The following LHX4 variants were observed in gnomAD, a reference collection of about 807,000 sequenced individuals.
LHX4 encodes LIM homeobox 4.
A neutral mutation model predicts 39.2 loss-of-function variants in LHX4; 16 were observed. The ratio of observed to expected loss-of-function variants is 0.41; its 90% confidence interval spans 0.28 to 0.62. The LOEUF (loss-of-function observed/expected upper bound fraction) is 0.62. Among genes scored for constraint, LHX4 ranks in the 20% least tolerant of loss-of-function variants. The probability of loss-of-function intolerance (pLI) is 0.33; values close to 1 mark genes in which losing one functional copy is unlikely to be tolerated. For missense variants in LHX4, 439 were observed against 511.9 expected, an observed-to-expected ratio of 0.86 and a Z score of 1.37; for synonymous variants, 206 against 198.1, an observed-to-expected ratio of 1.04 and a Z score of -0.33.
At chr1:180,242,651 A>C (rs1208781365) in intron 1 of LHX4, among the ~76,000 whole-genome samples, 1 of 152,048 alleles carries the variant, frequency 6.6e-6, no homozygotes. Context: ...GGCCTTGCAG[A>C]TGGGTAGTGT....
intron 2 of LHX4, among the ~76,000 whole-genome samples, chr1:180,255,214 G>C (rs1647796184): frequency 6.6e-6 from 1 of 152,266 alleles, no homozygotes; most frequent in Non-Finnish European, 1.5e-5. Flanking sequence ...GAAAGAGGCA[G>C]CCTCAGTTCT....
At position 180,249,662 on chromosome 1, in the gene LHX4, C is replaced by T. The variant is rs78728196; in HGVS notation, c.248+1206C>T. 4.5e-3 allele frequency among the ~76,000 whole-genome samples: 691 copies of T among 152,294 alleles called. 7 individuals carry two copies. The highest frequency in any genetic ancestry group is 0.016 in the African/African-American group (666 of 41,552). ...AAATGTGAGTCCTGGATACAGAATA[C>T]GATTTCTCCCACATCTTCCCAAAGG... On this transcript the variant is annotated intron_variant, in intron 2 of 5. Transcript: ENST00000263726.
chr1:180,230,686 C>A lies in LHX4; in HGVS notation c.76+81C>A. On this transcript the variant is annotated intron_variant, in intron 1 of 5. Transcript: ENST00000263726. The surrounding 1 kb of genome is among the most constrained non-coding windows in gnomAD (Gnocchi z 5.8). ...AGCCGCTGCGGGGCGGGCCGGACGC[C>A]GCTCAGGGGCCGGGAGGGGCTGGCG... 7.3e-7 allele frequency: 1 copy of A among 1,367,352 alleles called. No homozygotes were observed. Among genetic ancestry groups the A allele is most frequent in the Non-Finnish European group, 1.0e-6 (1 of 967,532 alleles). 84.7% of individuals were successfully genotyped at this position (1,367,352 alleles called of 1,614,324 possible). A position where few individuals can be genotyped will look rare whatever the true frequency, so the allele number is the denominator to read the frequency against.
chr1:180,271,832 C>T lies in LHX4; in HGVS notation c.607-3C>T. On this transcript the variant is annotated splice_region_variant and splice_polypyrimidine_tract_variant and intron_variant, in intron 4 of 5. Coordinates refer to ENST00000263726, the MANE Select transcript of LHX4 (RefSeq NM_033343.4). ...GAGTATGTCCCTTGTGCTTGTGTGGCAGGTTTGGTTTCAGAACAGAAGGGC... is the reference window on the plus strand; with the variant it reads ...GAGTATGTCCCTTGTGCTTGTGTGGTAGGTTTGGTTTCAGAACAGAAGGGC... The T allele has an allele frequency of 6.2e-7, 1 of 1,613,714 alleles. No individual in the cohort carries two copies. The highest frequency in any genetic ancestry group is 1.1e-5 in the South Asian group (1 of 91,050).
At chr1:180,228,503 T>G (rs2149249482), upstream of LHX4, among the ~76,000 whole-genome samples, 1 of 152,364 alleles carries the variant, frequency 6.6e-6, no homozygotes, top group South Asian at 2.1e-4. Flanking sequence ...TTGTCTTGCG[T>G]GTTTTTCACT....
Position 180,271,617 on chromosome 1 carries a change from C to T in LHX4, c.606+83C>T, listed in dbSNP as rs3845397. ...AGGTATCCTGAGTGACATCAGCTCA[C>T]GGGTGGTTGGGCTCAGGGCTTGACC... On this transcript the variant is annotated intron_variant, in intron 4 of 5. Coordinates refer to ENST00000263726, the MANE Select transcript of LHX4 (RefSeq NM_033343.4). The T allele has an allele frequency of 0.48, 743,362 of 1,546,794 alleles. 185,491 individuals carry two copies. Among genetic ancestry groups the T allele is most frequent in the South Asian group, 0.59 (52,335 of 89,316 alleles).
chr1:180,270,271 G>C (rs1648565026), intron 3 of LHX4: 1 of 152,270 alleles, frequency 6.6e-6, no homozygotes. Context: ...GTTTCTAAGA[G>C]AGGGTTTTCT....
intron 1 of LHX4, among the ~76,000 whole-genome samples, chr1:180,246,513 A>G (rs554599130): frequency 6.6e-6 from 1 of 152,248 alleles, no homozygotes; most frequent in East Asian, 1.9e-4. Flanking sequence ...GGAGTTTGAG[A>G]CCAGCCTGGC....
chr1:180,236,786 C>G (rs1394122782), intron 1 of LHX4, among the ~76,000 whole-genome samples: 1 of 152,102 alleles, frequency 6.6e-6, no homozygotes, highest in East Asian at 1.9e-4. Flanking sequence ...GGACTTGGAA[C>G]CAGTTTAGCT....
chr1:180,248,750 TCTC>T (rs1647484933), intron 2 of LHX4: 1 of 457,054 alleles, frequency 2.2e-6, no homozygotes, highest in Non-Finnish European at 4.1e-6. Context: ...GTTCTGCAAA[TCTC>T]CTCTGTTGCT....
rs190692673 is a variant in LHX4 at position 180,276,156 on chromosome 1, G to A, written c.*1577G>A. The A allele has an allele frequency of 1.1e-3, 170 of 152,336 alleles. No individual in the cohort carries two copies. The highest frequency in any genetic ancestry group is 4.0e-3 in the African/African-American group (168 of 41,564). 9.4% of individuals were successfully genotyped at this position (152,336 alleles called of 1,614,324 possible). On this transcript the variant is annotated 3_prime_UTR_variant, in exon 6 of 6. Transcript: ENST00000263726. ...TCAGCAGAGTAGGAAAGGGTGAGAA[G>A]GCATTGCCTATCACATGAAGTGATG...
rs921959461 is a variant in LHX4, at chr1:180,266,632, CTTT to C, written c.451+39_451+41del. ...GCCCCGCATGGTCCCCTCTCCAGGC[CTTT>C]GTTTGGGCCACGCCCTCTGCCTGAG... On this transcript the variant is annotated intron_variant, in intron 3 of 5. Transcript: ENST00000263726. The surrounding 1 kb of genome is among the most constrained non-coding windows in gnomAD (Gnocchi z 5.7). The C allele has an allele frequency of 6.3e-7, 1 of 1,598,924 alleles. No homozygotes were observed. Among genetic ancestry groups the C allele is most frequent in the African/African-American group, 1.3e-5 (1 of 74,516 alleles).
chr1:180,240,828 G>A (rs1664428261), intron 1 of LHX4, among the ~76,000 whole-genome samples: 1 of 152,192 alleles, frequency 6.6e-6, no homozygotes, highest in Non-Finnish European at 1.5e-5. Context: ...ATGGAATCCA[G>A]TTTCTGATGG....
intron 1 of LHX4, among the ~76,000 whole-genome samples, chr1:180,241,971 C>A (rs893295276): frequency 6.6e-6 from 1 of 151,924 alleles, no homozygotes; most frequent in African/African-American, 2.4e-5. Flanking sequence ...GTGCACCCGA[C>A]TATGCCTGGC....
chr1:180,253,842 G>A (rs192136154), intron 2 of LHX4, among the ~76,000 whole-genome samples: 1 of 152,300 alleles, frequency 6.6e-6, no homozygotes, highest in East Asian at 1.9e-4. Context: ...GGTCTCCCCT[G>A]TACCAGCCTT....
At position 180,274,911 on chromosome 1, in the gene LHX4, G is replaced by C. The variant is rs1390994723; in HGVS notation, c.*332G>C. 4.3e-6 allele frequency: 1 copy of C among 233,558 alleles called. No homozygotes were observed. Among genetic ancestry groups the C allele is most frequent in the Non-Finnish European group, 8.4e-6 (1 of 119,140 alleles). 14.5% of individuals were successfully genotyped at this position (233,558 alleles called of 1,614,324 possible). A position where few individuals can be genotyped will look rare whatever the true frequency, so the allele number is the denominator to read the frequency against. On this transcript the variant is annotated 3_prime_UTR_variant, in exon 6 of 6. Coordinates refer to ENST00000263726, the MANE Select transcript of LHX4 (RefSeq NM_033343.4). ...TTGGTAGCACAAGGTGACTGTGATAGGCCCCCTTGGCCTTTGGGAACTTTG... is the reference window on the plus strand; with the variant it reads ...TTGGTAGCACAAGGTGACTGTGATACGCCCCCTTGGCCTTTGGGAACTTTG...
At chr1:180,237,007 C>T (rs978542199) in intron 1 of LHX4, among the ~76,000 whole-genome samples, 1 of 152,134 alleles carries the variant, frequency 6.6e-6, no homozygotes, top group African/African-American at 2.4e-5. Flanking sequence ...TAACAATGCC[C>T]ATAACAGAGA....
At chr1:180,257,810 G>T (rs1558216667) in intron 2 of LHX4, among the ~76,000 whole-genome samples, 1 of 152,200 alleles carries the variant, frequency 6.6e-6, no homozygotes, top group Non-Finnish European at 1.5e-5. Context: ...AGGCTGACAT[G>T]GGTCCTGGGC....
chr1:180,273,699 G>A (rs1384028615), intron 5 of LHX4: 1 of 165,386 alleles, frequency 6.0e-6, no homozygotes, highest in African/African-American at 2.4e-5. Flanking sequence ...TAGACCAGAA[G>A]GATTTTGTAC....
Sources: gnomAD v4.1 joint callset for allele counts (sites outside exome capture counted in the v4.1 genomes callset) on GRCh38, gnomAD v4.1.1 for gene constraint, Gnocchi (gnomAD v3.1) non-coding constraint, MANE v1.5 for transcripts, NCBI Gene and HGNC (gene_info 2026-07-23, HGNC 2026-07-21) for gene names.